The following VPS13D variants were observed in gnomAD, a reference collection of about 807,000 sequenced individuals.
VPS13D encodes vacuolar protein sorting 13 homolog D, also known as intermembrane lipid transfer protein VPS13D.
A neutral mutation model predicts 461.9 loss-of-function variants in VPS13D; 187 were observed. The observed-to-expected ratio is 0.40, with a 90% CI of 0.36 to 0.46. VPS13D has a LOEUF of 0.46. Among genes scored for constraint, VPS13D ranks in the 20% least tolerant of loss-of-function variants. The pLI is 0.60. For synonymous variants in VPS13D, 1,951 were observed against 1,986.3 expected (o/e 0.98, Z 0.47); for missense variants, 4,711 against 5,364.9 (o/e 0.88, Z 3.81).
At chr1:12,474,636 A>G (rs752281711) in intron 67 of VPS13D, among the ~76,000 whole-genome samples, 3 of 152,210 alleles carry the variant, frequency 2.0e-5, no homozygotes, top group Non-Finnish European at 2.9e-5. Flanking sequence ...TACAAGATCG[A>G]TAACTGTGGA....
intron 50 of VPS13D, among the ~76,000 whole-genome samples, chr1:12,360,009 C>G (rs904782437): frequency 2.6e-5 from 4 of 152,140 alleles, no homozygotes; most frequent in Non-Finnish European, 5.9e-5. Flanking sequence ...GAGCTTGTTC[C>G]TTTTATAGCA....
At chr1:12,271,747 T>A (rs1195998024) in intron 17 of VPS13D, among the ~76,000 whole-genome samples, 1 of 152,146 alleles carries the variant, frequency 6.6e-6, no homozygotes, top group Non-Finnish European at 1.5e-5. Context: ...ATGTGAGAGT[T>A]TCTCTTTTTT....
At chr1:12,328,359 CTT>C (rs71570103) in intron 36 of VPS13D, among the ~76,000 whole-genome samples, 107 of 134,082 alleles carry the variant, frequency 8.0e-4, no homozygotes, top group Admixed American at 9.9e-4. Flanking sequence ...GTACTCTATC[CTT>C]TTTTTTTTTT....
chr1:12,432,107 G>A (rs962899134), intron 65 of VPS13D, among the ~76,000 whole-genome samples: 1 of 152,122 alleles, frequency 6.6e-6, no homozygotes. Flanking sequence ...TGAAAGAAAA[G>A]AGCAAGCCAG....
intron 40 of VPS13D, among the ~76,000 whole-genome samples, chr1:12,340,304 A>G (rs1643540408): frequency 6.6e-6 from 1 of 152,184 alleles, no homozygotes; most frequent in Non-Finnish European, 1.5e-5. Context: ...GACTGACCAC[A>G]AAATTGTGGG....
intron 2 of VPS13D, among the ~76,000 whole-genome samples, chr1:12,240,727 T>C (rs889675232): frequency 3.4e-5 from 5 of 148,780 alleles, no homozygotes; most frequent in African/African-American, 9.9e-5. Flanking sequence ...TTTCCCCTTA[T>C]GTTCATTTTC....
At chr1:12,503,352 CTTT>C (rs572978868) in intron 68 of VPS13D, among the ~76,000 whole-genome samples, 1 of 145,862 alleles carries the variant, frequency 6.9e-6, no homozygotes, top group Non-Finnish European at 1.5e-5. Flanking sequence ...TCTTCTTCTT[CTTT>C]TTTTTTTTAA....
chr1:12,353,924 T>G (rs1569984650), intron 46 of VPS13D, 50 bp from the exon 47 acceptor site: 1 of 1,575,922 alleles, frequency 6.3e-7, no homozygotes, highest in Admixed American at 1.8e-5. Context: ...GAGAAAAAAT[T>G]TAAGTTCTTC....
intron 67 of VPS13D, among the ~76,000 whole-genome samples, chr1:12,486,102 A>C (rs1017979526): frequency 6.6e-6 from 1 of 152,120 alleles, no homozygotes; most frequent in African/African-American, 2.4e-5. Context: ...AATCCAAGAT[A>C]CTCTTGAGGG....
chr1:12,251,370 G>C (rs1027759414), intron 6 of VPS13D, among the ~76,000 whole-genome samples: 3 of 152,178 alleles, frequency 2.0e-5, no homozygotes, highest in Admixed American at 6.5e-5. Context: ...AGCTCTTCCT[G>C]TCCATCCTCA....
At position 12,276,797 on chromosome 1, in the gene VPS13D, A is replaced by C. The variant is rs1190930608; in HGVS notation, c.3209A>C (p.Lys1070Thr). ...DRSATSVSLD[K>T]ILTKEQESLI... Reference sequence around the variant, plus strand: ...TCAGCTACTAGTGTTTCACTTGACAAAATTCTTACCAAAGAGCAAGAGTCC... The same window carrying C: ...TCAGCTACTAGTGTTTCACTTGACACAATTCTTACCAAAGAGCAAGAGTCC... The change falls in exon 19 of 70, where the codon AAA becomes ACA. Residue 1070 changes from lysine (K) to threonine (T), a missense_variant. Around this residue, in one of 3 missense-constraint regions of VPS13D, gnomAD observed 4,411 missense variants for 4,937.8 expected, o/e 0.89. Coordinates refer to ENST00000620676, the MANE Select transcript of VPS13D (RefSeq NM_015378.4). This position sits in a 1 kb window ranked among gnomAD's most constrained non-coding sequence, Gnocchi z 4.5. The C allele has an allele frequency of 8.7e-6, 14 of 1,614,070 alleles. No homozygotes were observed. The East Asian group carries it at 3.1e-4, about 36-fold the overall frequency.
intron 2 of VPS13D, among the ~76,000 whole-genome samples, chr1:12,236,617 A>G (rs1450637563): frequency 6.6e-6 from 1 of 152,138 alleles, no homozygotes; most frequent in Non-Finnish European, 1.5e-5. Context: ...TCCTGAGTTC[A>G]AGTGATCCTC....
rs766017496 is a variant in VPS13D at position 12,234,180 on chromosome 1, TC to T, written c.-76-9del. Reference sequence around the variant, plus strand: ...GTTTTTATGTTGATTTTCATTATTTTCCTTTCATAGATTTTTCTGTGACCAT... The same window carrying T: ...GTTTTTATGTTGATTTTCATTATTTTCTTTCATAGATTTTTCTGTGACCAT... On this transcript the variant is annotated splice_polypyrimidine_tract_variant and intron_variant, in intron 1 of 69. Transcript: ENST00000620676. 7.1e-6 allele frequency: 7 copies of T among 979,548 alleles called. No individual in the cohort carries two copies. Among genetic ancestry groups the T allele is most frequent in the Non-Finnish European group, 1.1e-5 (7 of 640,972 alleles). The allele number at this position is 979,548 out of a possible 1,614,324, so 60.7% of individuals were successfully genotyped here.
At chr1:12,476,028 C>T (rs1004119731) in intron 67 of VPS13D, among the ~76,000 whole-genome samples, 1 of 152,274 alleles carries the variant, frequency 6.6e-6, no homozygotes, top group East Asian at 1.9e-4. Context: ...ACTTCTTAGC[C>T]TTGGCCACAG....
At position 12,263,059 on chromosome 1, in the gene VPS13D, G is replaced by A. The variant is rs533117489; in HGVS notation, c.1594+979G>A. ...TTATCATAACTCCATCCTAAGTCAA[G>A]GAGCATTGTGTTATTGATTTATTAA... On this transcript the variant is annotated intron_variant, in intron 13 of 69. Coordinates refer to ENST00000620676, the MANE Select transcript of VPS13D (RefSeq NM_015378.4). Among the ~76,000 whole-genome samples the A allele has an allele frequency of 3.4e-4, 52 of 152,160 alleles. No homozygotes were observed. In the South Asian group the frequency reaches 7.1e-3, roughly 21 times the overall value.
chr1:12,443,621 T>C (rs1484619536), intron 65 of VPS13D, among the ~76,000 whole-genome samples: 1 of 152,192 alleles, frequency 6.6e-6, no homozygotes, highest in Non-Finnish European at 1.5e-5. Flanking sequence ...TTTGCTGTTA[T>C]TGTCATGTAT....
chr1:12,342,057 A>G lies in VPS13D; in HGVS notation c.8732+172A>G, dbSNP rs72866696. Reference sequence around the variant, plus strand: ...GAGGTTCTGGTTTTGTAGAGAATCTATAGTCAGAGAAGCAGGTCCTGAGTC... The same window carrying G: ...GAGGTTCTGGTTTTGTAGAGAATCTGTAGTCAGAGAAGCAGGTCCTGAGTC... On this transcript the variant is annotated intron_variant, in intron 41 of 69. Transcript: ENST00000620676. Among the ~76,000 whole-genome samples the G allele has an allele frequency of 2.0e-3, 304 of 152,290 alleles. 1 individual carries two copies. The highest frequency in any genetic ancestry group is 6.7e-3 in the African/African-American group (280 of 41,558).
chr1:12,339,901 AGCCAT>A (rs1207506024), intron 40 of VPS13D, among the ~76,000 whole-genome samples: 1 of 152,224 alleles, frequency 6.6e-6, no homozygotes, highest in African/African-American at 2.4e-5. Context: ...AACTGATCAA[AGCCAT>A]CTGCCACCTG....
At chr1:12,414,582 G>A (rs1479186791) in intron 63 of VPS13D, among the ~76,000 whole-genome samples, 1 of 152,152 alleles carries the variant, frequency 6.6e-6, no homozygotes, top group Non-Finnish European at 1.5e-5. Context: ...AGTGATAGAT[G>A]TCATCACTGT....
Sources: allele counts gnomAD v4.1 joint callset (sites outside exome capture counted in the v4.1 genomes callset), GRCh38; gene constraint gnomAD v4.1.1; regional missense constraint gnomAD v4.1.1; non-coding constraint Gnocchi (gnomAD v3.1); transcripts MANE v1.5; gene names NCBI Gene and HGNC (gene_info 2026-07-23, HGNC 2026-07-21).